Variants in THOC1 observed in about 807,000 individuals in gnomAD.
THOC1 encodes THO complex 1.
In THOC1, 29 loss-of-function variants were observed where a neutral mutation model predicts 97.3. The observed-to-expected ratio is 0.30, with a 90% CI of 0.22 to 0.41. THOC1 has a LOEUF of 0.41. THOC1 is among the 10% of genes least tolerant of loss of function. THOC1 has a pLI of 1.00. For missense variants in THOC1, 529 were observed against 761.9 expected (o/e 0.69, Z 3.60); for synonymous variants, 255 against 257.0 (o/e 0.99, Z 0.07).
rs952798813 is a variant in THOC1 at position 246,116 on chromosome 18, T to C, written c.918+208A>G. The C allele has an allele frequency of 2.2e-5, 9 of 411,780 alleles. No individual in the cohort carries two copies. The Admixed American group carries it at 2.2e-4, about 10-fold the overall frequency. 25.5% of individuals were successfully genotyped at this position (411,780 alleles called of 1,614,324 possible). On this transcript the variant is annotated intron_variant, in intron 11 of 20. Transcript: ENST00000261600. ...AAATTAGTTTACAAAACAGACTTAATGTAGAACTACTTTCACCTTTGAAAC... is the reference window on the plus strand; with the variant it reads ...AAATTAGTTTACAAAACAGACTTAACGTAGAACTACTTTCACCTTTGAAAC...
chr18:217,768 G>T (rs1910944114), intron 18 of THOC1, among the ~76,000 whole-genome samples: 1 of 152,132 alleles, frequency 6.6e-6, no homozygotes, highest in Non-Finnish European at 1.5e-5. Context: ...CAGCCAGGGG[G>T]ACTTTAAGCC....
At chr18:219,661 T>C (rs780100740) in intron 17 of THOC1, among the ~76,000 whole-genome samples, 3 of 152,146 alleles carry the variant, frequency 2.0e-5, no homozygotes, top group Admixed American at 1.3e-4. Flanking sequence ...TATTACATAG[T>C]ATTTACTACA....
chr18:263,939 G>T, intron 4 of THOC1, 87 bp downstream of exon 4: 2 of 1,016,400 alleles, frequency 2.0e-6, no homozygotes, highest in Admixed American at 2.5e-5. Flanking sequence ...AATCAGATAG[G>T]TGGAGAAGTA....
chr18:234,095 T>C (rs959459167), intron 11 of THOC1, among the ~76,000 whole-genome samples: 1 of 152,224 alleles, frequency 6.6e-6, no homozygotes, highest in Non-Finnish European at 1.5e-5. Flanking sequence ...TAACATGTTG[T>C]AATTGATTAC....
intron 20 of THOC1, among the ~76,000 whole-genome samples, chr18:215,175 A>G (rs1468535915): frequency 6.6e-6 from 1 of 152,216 alleles, no homozygotes; most frequent in African/African-American, 2.4e-5. Context: ...ACCAATAATT[A>G]ACAGAGGTAT....
chr18:218,898 TC>T lies in THOC1; in HGVS notation c.1441del (p.Glu481LysfsTer7). The T allele has an allele frequency of 6.3e-7, 1 of 1,599,536 alleles. No individual in the cohort carries two copies. Among genetic ancestry groups the T allele is most frequent in the Non-Finnish European group, 8.5e-7 (1 of 1,171,842 alleles). Reference protein sequence around the residue: ...IEQADPENMVENEYKAVNNSN... With the variant: ...IEQADPENMVXNEYKAVNNSN... ...GGAGCATACTTACTTATATTCATTT[TC>T]CACCATATTTTCAGGGTCTGCCTGT... is the stretch of plus-strand genomic sequence containing the variant. On this transcript the variant is annotated frameshift_variant, in exon 18 of 21. Transcript: ENST00000261600. LOFTEE classifies it high-confidence loss of function.
intron 9 of THOC1, among the ~76,000 whole-genome samples, chr18:249,204 ACT>A (rs1301013028): frequency 1.3e-5 from 2 of 152,024 alleles, no homozygotes; most frequent in Non-Finnish European, 2.9e-5. Flanking sequence ...TATCTGAAAG[ACT>A]CTAATGGGCA....
At chr18:238,756 A>G (rs1180724222) in intron 11 of THOC1, among the ~76,000 whole-genome samples, 2 of 152,234 alleles carry the variant, frequency 1.3e-5, no homozygotes, top group East Asian at 1.9e-4. Context: ...TGTACTGTGA[A>G]GTAGACTTAG....
chr18:260,872 TGTATGTACATATGGTTATGACAATA>T (rs1429947275), intron 4 of THOC1: 2 of 152,198 alleles, frequency 1.3e-5, no homozygotes, highest in African/African-American at 2.4e-5. Flanking sequence ...GATTCAAAAT[TGTATGTACATATGGTTATGACAATA>T]AAAAAAATTC....
Position 267,982 on chromosome 18 carries a change from G to T in THOC1, c.38C>A (p.Ala13Glu), listed in dbSNP as rs567290635. 1 of 1,611,582 alleles carries T rather than the reference G, an allele frequency of 6.2e-7. No homozygotes were observed. Among genetic ancestry groups the T allele is most frequent in the Non-Finnish European group, 8.5e-7 (1 of 1,179,134 alleles). The change falls in exon 1 of 21, where the codon GCG becomes GAG. Residue 13 changes from alanine (A) to glutamate (E), a missense_variant. Physicochemically the swap from Ala to Glu is moderately radical, Grantham distance 107. Transcript: ENST00000261600. ...ACAGCTCACCGTAAACCGCGTCCGC[G>T]CTTCGGGCAAACTGAAGAGCGGCGG... ...PTPPLFSLPE[A>E]RTRFTKSTRE... is the part of the protein sequence containing the mutation.
intron 7 of THOC1, among the ~76,000 whole-genome samples, chr18:257,221 T>C (rs1251077109): frequency 2.0e-5 from 3 of 152,180 alleles, no homozygotes; most frequent in African/African-American, 7.2e-5. Context: ...TCTATATACA[T>C]TATAATAGAG....
chr18:236,517 C>T (rs1197901859), intron 11 of THOC1, among the ~76,000 whole-genome samples: 1 of 140,388 alleles, frequency 7.1e-6, no homozygotes, highest in Non-Finnish European at 1.5e-5. Flanking sequence ...CTACCACGCC[C>T]GGCTAATTTT....
At position 216,516 on chromosome 18, in the gene THOC1, A is replaced by G; in HGVS notation, c.1572T>C (p.Asn524=). 6.2e-7 allele frequency: 1 copy of G among 1,613,862 alleles called. No homozygotes were observed. Among genetic ancestry groups the G allele is most frequent in the Non-Finnish European group, 8.5e-7 (1 of 1,179,846 alleles). ...ATTCCTTGGCTAGCTTTATTACCATATTTTCAAGATATTCTGGTAAACTTT... is the reference window on the plus strand; with the variant it reads ...ATTCCTTGGCTAGCTTTATTACCATGTTTTCAAGATATTCTGGTAAACTTT... ...QFKSLPEYLE[N]MVIKLAKELP... is the part of the protein sequence containing the mutation. Residue 524 remains asparagine, a synonymous_variant, in exon 19 of 21, where the codon AAT becomes AAC. Transcript: ENST00000261600.
At chr18:227,354 A>G (rs1333781132) in intron 11 of THOC1, among the ~76,000 whole-genome samples, 1 of 152,164 alleles carries the variant, frequency 6.6e-6, no homozygotes, top group African/African-American at 2.4e-5. Context: ...TGAGGCTACT[A>G]CTTTCTCACA....
intron 5 of THOC1, 72 bp downstream of exon 5, chr18:260,114 A>C: frequency 9.5e-7 from 1 of 1,055,356 alleles, no homozygotes; most frequent in Non-Finnish European, 1.3e-6. Flanking sequence ...AATTTAAAAA[A>C]AAAAATCTAC....
chr18:259,585 A>G (rs1912540119), intron 6 of THOC1, 97 bp downstream of exon 6: 1 of 928,926 alleles, frequency 1.1e-6, no homozygotes, highest in African/African-American at 1.7e-5. Flanking sequence ...TACCTAATCT[A>G]TCTTTAAAAT....
rs146099951 is a variant in THOC1 at position 236,142 on chromosome 18, C to G, written c.919-9241G>C. Among the ~76,000 whole-genome samples, 76 of 152,134 alleles carry G rather than the reference C, an allele frequency of 5.0e-4. No individual in the cohort carries two copies. The Middle Eastern group carries it at 0.01, about 21-fold the overall frequency. On this transcript the variant is annotated intron_variant, in intron 11 of 20. Transcript: ENST00000261600. ...TTTTGTTGGTATTAGCCTGGTATGTCTCTTTCCATCCTAATATTTCAATCA... is the reference window on the plus strand; with the variant it reads ...TTTTGTTGGTATTAGCCTGGTATGTGTCTTTCCATCCTAATATTTCAATCA...
rs553291610 is a variant in THOC1, at chr18:267,516, A to C, written c.54+450T>G. 6.6e-5 allele frequency among the ~76,000 whole-genome samples: 10 copies of C among 152,276 alleles called. No homozygotes were observed. In the South Asian group the frequency reaches 1.0e-3, roughly 16 times the overall value. On this transcript the variant is annotated intron_variant, in intron 1 of 20. Transcript: ENST00000261600. ...CTTAGGAGTTAGACACGGTGGGTTA[A>C]GGGGTGGTGAAGAGACGGCGGGAAC...
intron 11 of THOC1, among the ~76,000 whole-genome samples, chr18:236,017 T>C (rs1911669338): frequency 1.3e-5 from 2 of 152,246 alleles, no homozygotes; most frequent in East Asian, 1.9e-4. Flanking sequence ...TATAAGTTCA[T>C]GACACCTTGG....
Sources: allele counts gnomAD v4.1 joint callset (sites outside exome capture counted in the v4.1 genomes callset), GRCh38; gene constraint gnomAD v4.1.1; transcripts MANE v1.5; gene names NCBI Gene and HGNC (gene_info 2026-07-23, HGNC 2026-07-21).